Variants in LINGO1 observed in about 807,000 individuals in gnomAD.
The protein encoded by LINGO1 is leucine-rich repeat and immunoglobulin-like domain-containing nogo receptor-interacting protein 1.
Under a neutral mutation model 37.3 loss-of-function variants are expected in LINGO1, and 11 were observed. The observed-to-expected ratio is 0.29, with a 90% CI of 0.19 to 0.49. LINGO1 has a LOEUF of 0.49. Ranked by LOEUF, LINGO1 falls within the 20% of genes least tolerant of loss-of-function variation. The pLI, the probability that LINGO1 is intolerant of heterozygous loss-of-function variation, is 0.99. For synonymous variants in LINGO1, 387 were observed against 403.0 expected (o/e 0.96, Z 0.48); for missense variants, 585 against 878.2 (o/e 0.67, Z 4.22).
At chr15:77,648,224 C>T (rs983706117) in intron 3 of LINGO1, 15 of 292,914 alleles carry the variant, frequency 5.1e-5, no homozygotes, top group African/African-American at 8.9e-5. Context: ...GAAGGAGCAC[C>T]GGCTGCGTTC....
intron 2 of LINGO1, among the ~76,000 whole-genome samples, chr15:77,722,250 G>C (rs1187616226): frequency 6.6e-6 from 1 of 152,194 alleles, no homozygotes; most frequent in African/African-American, 2.4e-5. Flanking sequence ...CCGTCTCTGA[G>C]TACATAACCT....
intron 1 of LINGO1, among the ~76,000 whole-genome samples, chr15:77,736,237 T>C (rs774522090): frequency 5.9e-5 from 9 of 151,672 alleles, no homozygotes; most frequent in African/African-American, 1.7e-4. Context: ...CACACAGACA[T>C]AGGGGTATAT....
chr15:77,719,166 G>A (rs561313391), intron 2 of LINGO1, among the ~76,000 whole-genome samples: 2 of 149,982 alleles, frequency 1.3e-5, no homozygotes, highest in African/African-American at 2.4e-5. Context: ...CTCCTGGGAC[G>A]TCCTCCTCAC....
At chr15:77,734,436 G>A (rs2076183194) in intron 2 of LINGO1, among the ~76,000 whole-genome samples, 1 of 151,916 alleles carries the variant, frequency 6.6e-6, no homozygotes, top group Non-Finnish European at 1.5e-5. Context: ...GGGCTACTGG[G>A]GTCAGCCTTG....
At chr15:77,685,339 T>C (rs2075488978) in intron 2 of LINGO1, among the ~76,000 whole-genome samples, 1 of 152,124 alleles carries the variant, frequency 6.6e-6, no homozygotes, top group Non-Finnish European at 1.5e-5. Flanking sequence ...TTCAGGACCT[T>C]GGCTCCCTCA....
chr15:77,634,323 C>G (rs1428291193), upstream of LINGO1: 1 of 456,124 alleles, frequency 2.2e-6, no homozygotes, highest in Admixed American at 2.3e-5. Flanking sequence ...GTCTCTCTGG[C>G]ACACCGTTGC....
intron 1 of LINGO1, among the ~76,000 whole-genome samples, chr15:77,628,042 T>G (rs952322152): frequency 6.6e-6 from 1 of 152,142 alleles, no homozygotes; most frequent in Non-Finnish European, 1.5e-5. Flanking sequence ...TCAGTAAAAA[T>G]CAAGGCCCCT....
At position 77,757,764 on chromosome 15, in the gene LINGO1, G is replaced by A. The variant is rs374789955; in HGVS notation, c.-256-22711C>T. On this transcript the variant is annotated intron_variant, in intron 1 of 3. Coordinates refer to the LINGO1 transcript ENST00000561686. The stretch of plus-strand genomic sequence containing the variant: ...AGGAGGAGAAAGCAAGGCACCATAG[G>A]CCTCCTAGCTTAAGCAAGGGCTGGC... Among the ~76,000 whole-genome samples the A allele has an allele frequency of 3.9e-4, 60 of 152,250 alleles. No individual in the cohort carries two copies. The South Asian group carries it at 0.012, about 31-fold the overall frequency.
At chr15:77,672,344 G>C (rs976081439) in intron 3 of LINGO1, among the ~76,000 whole-genome samples, 1 of 152,108 alleles carries the variant, frequency 6.6e-6, no homozygotes, top group African/African-American at 2.4e-5. Flanking sequence ...TCCTCAGCTG[G>C]CTGTCAGCTA....
intron 2 of LINGO1, among the ~76,000 whole-genome samples, chr15:77,792,429 T>C (rs1250644498): frequency 6.6e-6 from 1 of 152,198 alleles, no homozygotes; most frequent in Non-Finnish European, 1.5e-5. Context: ...TGGCCCTGCA[T>C]GCCTCGTTTC....
At chr15:77,619,104 T>G (rs529020272) in intron 1 of LINGO1, among the ~76,000 whole-genome samples, 1 of 151,948 alleles carries the variant, frequency 6.6e-6, no homozygotes, top group South Asian at 2.1e-4. Flanking sequence ...AAGAGGGAAA[T>G]ATGCTCCAAA....
chr15:77,624,163 CTGTGTGTGTGTGTG>C (rs56162459), intron 1 of LINGO1, among the ~76,000 whole-genome samples: 10 of 131,872 alleles, frequency 7.6e-5, no homozygotes, highest in African/African-American at 2.2e-4. Flanking sequence ...TGAGTGGCCT[CTGTGTGTGTGTGTG>C]TGTGTGTGTG....
At chr15:77,692,814 A>G (rs931059433) in intron 1 of LINGO1, among the ~76,000 whole-genome samples, 3 of 152,318 alleles carry the variant, frequency 2.0e-5, no homozygotes, top group Admixed American at 2.0e-4. Flanking sequence ...CAAGTGCTGA[A>G]CCTCAGGACG....
intron 3 of LINGO1, among the ~76,000 whole-genome samples, chr15:77,654,725 T>C (rs1208544302): frequency 6.6e-6 from 1 of 151,590 alleles, no homozygotes; most frequent in South Asian, 2.1e-4. Context: ...CTGCTGCCAC[T>C]AGCTGGGTAA....
chr15:77,614,642 C>A lies in LINGO1; in HGVS notation c.1265G>T (p.Arg422Leu). 3 of 1,611,484 alleles carry A rather than the reference C, an allele frequency of 1.9e-6. No homozygotes were observed. Among genetic ancestry groups the A allele is most frequent in the South Asian group, 1.1e-5 (1 of 90,742 alleles). The change falls in exon 2 of 2, where the codon CGC (arginine) becomes CTC (leucine). Residue 422 changes from arginine to leucine, a missense_variant. By Grantham distance (102) the Arg-to-Leu change is moderately radical (BLOSUM62 -2). Transcript: ENST00000355300. ...DVLLPNYFTC[R>L]RARIRDRKAQ... ...CTTGCGGTCCCGGATGCGGGCGCGG[C>A]GGCAGGTGAAGTAGTTGGGCAGTAG...
At chr15:77,722,957 G>A (rs929520633) in intron 2 of LINGO1, among the ~76,000 whole-genome samples, 9 of 152,216 alleles carry the variant, frequency 5.9e-5, no homozygotes, top group African/African-American at 2.2e-4. Context: ...CCTTCACAGC[G>A]CCCCTGGAGG....
chr15:77,714,282 GGCCTCCATCAT>G (rs1284525028), intron 2 of LINGO1, among the ~76,000 whole-genome samples: 1 of 151,764 alleles, frequency 6.6e-6, no homozygotes, highest in Non-Finnish European at 1.5e-5. Flanking sequence ...TTTTGACCTA[GGCCTCCATCAT>G]GTCTGCCTCA....
intron 1 of LINGO1, among the ~76,000 whole-genome samples, chr15:77,759,888 G>A (rs574497219): frequency 1.3e-3 from 197 of 152,330 alleles, no homozygotes; most frequent in African/African-American, 4.5e-3. Flanking sequence ...CCCTGGCCAC[G>A]GCCGTGGGGA....
intron 3 of LINGO1, among the ~76,000 whole-genome samples, chr15:77,675,199 TCTGCAGGTTGATCTGG>T (rs1330849722): frequency 3.3e-5 from 5 of 152,164 alleles, no homozygotes; most frequent in Non-Finnish European, 7.3e-5. Flanking sequence ...AGCTCAGCCT[TCTGCAGGTTGATCTGG>T]CTGTCCAGAA....
Sources: allele counts gnomAD v4.1 joint callset (sites outside exome capture counted in the v4.1 genomes callset), GRCh38; gene constraint gnomAD v4.1.1; transcripts MANE v1.5; gene names NCBI Gene and HGNC (gene_info 2026-07-23, HGNC 2026-07-21).